The following NELL1 variants were observed in gnomAD, a reference collection of about 807,000 sequenced individuals.
NELL1 encodes the protein protein kinase C-binding protein NELL1.
NELL1 carries 76 observed loss-of-function variants against 107.4 expected under a neutral mutation model. That is an observed-to-expected ratio of 0.71 (90% confidence interval 0.59 to 0.86). The LOEUF is 0.86. NELL1 is among the 40% of genes least tolerant of loss of function. The pLI, the probability that NELL1 is intolerant of heterozygous loss-of-function variation, is 0.00. For missense variants in NELL1, 1,024 were observed against 1,005.5 expected (o/e 1.02, Z -0.25); for synonymous variants, 353 against 341.2 (o/e 1.03, Z -0.38).
chr11:21,079,439 A>G (rs1375135878), intron 12 of NELL1, among the ~76,000 whole-genome samples: 3 of 151,966 alleles, frequency 2.0e-5, no homozygotes, highest in East Asian at 1.9e-4. Context: ...GAATATTCCT[A>G]TTTTTCAAGT....
rs184975481 is a variant in NELL1 at position 21,032,365 on chromosome 11, C to G, written c.1300+71805C>G. 3.0e-3 allele frequency among the ~76,000 whole-genome samples: 459 copies of G among 152,092 alleles called. 1 individual carries two copies. Among genetic ancestry groups the G allele is most frequent in the Non-Finnish European group, 4.2e-3 (284 of 67,976 alleles). On this transcript the variant is annotated intron_variant, in intron 12 of 19. Coordinates refer to ENST00000357134, the MANE Select transcript of NELL1 (RefSeq NM_006157.5). ...AATATATTTTTGTTTTCCTTATAGA[C>G]TTTATGTAGAATTTTTGTTGTTGTT...
chr11:20,928,320 A>T (rs1051375139), intron 8 of NELL1, 57 bp from the exon 9 acceptor site: 39 of 1,459,894 alleles, frequency 2.7e-5, no homozygotes, highest in Middle Eastern at 3.4e-4. Flanking sequence ...TGATCTCCAC[A>T]ACAGGAGCTA....
intron 13 of NELL1, among the ~76,000 whole-genome samples, chr11:21,202,094 T>G (rs1029039498): frequency 6.6e-6 from 1 of 152,184 alleles, no homozygotes; most frequent in South Asian, 2.1e-4. Flanking sequence ...TTTTCTTTTT[T>G]TGTTGTATCT....
intron 14 of NELL1, among the ~76,000 whole-genome samples, chr11:21,339,295 G>A (rs893394053): frequency 6.6e-6 from 1 of 152,166 alleles, no homozygotes; most frequent in African/African-American, 2.4e-5. Context: ...AGAGATTGGA[G>A]TTACACAACT....
chr11:21,324,146 T>C (rs1462258717), intron 14 of NELL1, among the ~76,000 whole-genome samples: 1 of 152,148 alleles, frequency 6.6e-6, no homozygotes, highest in Non-Finnish European at 1.5e-5. Flanking sequence ...TGTTTTATTT[T>C]TTCCTCACTG....
chr11:20,945,026 T>G (rs1850934093), intron 10 of NELL1, among the ~76,000 whole-genome samples: 3 of 152,230 alleles, frequency 2.0e-5, no homozygotes, highest in Non-Finnish European at 4.4e-5. Flanking sequence ...AAAATGGGAA[T>G]CACTCCCGAA....
At chr11:21,188,460 T>C (rs1856979651) in intron 13 of NELL1, among the ~76,000 whole-genome samples, 1 of 145,004 alleles carries the variant, frequency 6.9e-6, no homozygotes, top group African/African-American at 2.5e-5. Context: ...AGCTTGGACA[T>C]GTAAAGACTT....
At position 20,863,874 on chromosome 11, in the gene NELL1, A is replaced by G. The variant is rs534115242; in HGVS notation, c.506+16121A>G. Among the ~76,000 whole-genome samples, 121 of 152,318 alleles carry G rather than the reference A, an allele frequency of 7.9e-4. No homozygotes were observed. The Middle Eastern group carries it at 0.014, about 17-fold the overall frequency. On this transcript the variant is annotated intron_variant, in intron 4 of 19. Coordinates refer to ENST00000357134, the MANE Select transcript of NELL1 (RefSeq NM_006157.5). ...CAATCCCGGCACCTCAGGAGGCGGA[A>G]GCTGGCGGATCACTCGCGGTTAGGA... is the stretch of plus-strand genomic sequence containing the variant.
chr11:21,363,225 T>C (rs1339277990), intron 14 of NELL1, among the ~76,000 whole-genome samples: 1 of 152,174 alleles, frequency 6.6e-6, no homozygotes, highest in East Asian at 1.9e-4. Context: ...CTGTGAGATA[T>C]AGTGAAGGGA....
intron 5 of NELL1, among the ~76,000 whole-genome samples, chr11:20,900,794 T>G (rs1028545459): frequency 4.6e-5 from 7 of 152,120 alleles, no homozygotes; most frequent in African/African-American, 1.4e-4. Flanking sequence ...AGAGAACAAG[T>G]TGATTATTTC....
intron 13 of NELL1, among the ~76,000 whole-genome samples, chr11:21,141,984 G>A (rs1184413293): frequency 1.3e-5 from 2 of 151,972 alleles, no homozygotes; most frequent in African/African-American, 2.4e-5. Flanking sequence ...GGCTGGTCTC[G>A]AACTCCTGAC....
At chr11:20,820,897 A>AAC (rs55723392) in intron 3 of NELL1, among the ~76,000 whole-genome samples, 136,498 of 152,110 alleles carry the variant, frequency 0.9, 61,485 homozygotes, top group East Asian at 0.96. Context: ...CTTGTCACCT[A>AAC]ACAATATATA....
chr11:20,812,566 A>T (rs1364117033), intron 3 of NELL1, among the ~76,000 whole-genome samples: 1 of 152,238 alleles, frequency 6.6e-6, no homozygotes, highest in Non-Finnish European at 1.5e-5. Flanking sequence ...GTAAAGCAAC[A>T]TGCTAAGATG....
intron 2 of NELL1, among the ~76,000 whole-genome samples, chr11:20,703,738 T>C (rs1854861504): frequency 6.6e-6 from 1 of 152,226 alleles, no homozygotes; most frequent in Non-Finnish European, 1.5e-5. Flanking sequence ...AACATCTTTA[T>C]TTCTGCCTTC....
At chr11:20,746,121 T>C (rs912707036) in intron 2 of NELL1, among the ~76,000 whole-genome samples, 4 of 152,142 alleles carry the variant, frequency 2.6e-5, no homozygotes, top group African/African-American at 9.7e-5. Context: ...TCCATGTCTT[T>C]TGGGTGAGGG....
intron 13 of NELL1, among the ~76,000 whole-genome samples, chr11:21,217,312 A>T (rs1857639089): frequency 6.6e-6 from 1 of 152,122 alleles, no homozygotes; most frequent in Non-Finnish European, 1.5e-5. Context: ...GAGATAATAC[A>T]TTGGGGAAAG....
chr11:20,967,743 T>C (rs1019429365), intron 12 of NELL1, among the ~76,000 whole-genome samples: 3 of 152,176 alleles, frequency 2.0e-5, no homozygotes, highest in Non-Finnish European at 4.4e-5. Context: ...CCATAGTCCA[T>C]CTTCAAACAT....
chr11:20,905,265 T>TA (rs1378415746), intron 5 of NELL1, among the ~76,000 whole-genome samples: 1 of 152,058 alleles, frequency 6.6e-6, no homozygotes, highest in East Asian at 1.9e-4. Flanking sequence ...TATTCAACAA[T>TA]AAAAAACAAA....
chr11:20,846,836 C>T (rs1848709232), intron 3 of NELL1, among the ~76,000 whole-genome samples: 1 of 152,146 alleles, frequency 6.6e-6, no homozygotes, highest in Non-Finnish European at 1.5e-5. Context: ...AGTTTTGGCA[C>T]CTGTGAAAGT....
Sources: allele counts gnomAD v4.1 joint callset (sites outside exome capture counted in the v4.1 genomes callset), GRCh38; gene constraint gnomAD v4.1.1; transcripts MANE v1.5; gene names NCBI Gene and HGNC (gene_info 2026-07-23, HGNC 2026-07-21).